The following SOS1 variants were observed in gnomAD, a reference collection of about 807,000 sequenced individuals.
SOS1 encodes the protein SOS Ras/Rac guanine nucleotide exchange factor 1.
In SOS1, 25 loss-of-function variants were observed where a neutral mutation model predicts 157.6. The ratio of observed to expected loss-of-function variants is 0.16; its 90% CI spans 0.12 to 0.22. SOS1 has a LOEUF of 0.22. Among genes scored for constraint, SOS1 ranks in the 10% least tolerant of loss-of-function variants. The pLI is 1.00. For missense variants in SOS1, 1,237 were observed against 1,599.1 expected (o/e 0.77, Z 3.86); for synonymous variants, 528 against 534.0 (o/e 0.99, Z 0.16).
chr2:39,112,678 A>G (rs1329149052), intron 1 of SOS1, among the ~76,000 whole-genome samples: 1 of 152,160 alleles, frequency 6.6e-6, no homozygotes, highest in African/African-American at 2.4e-5. Flanking sequence ...TATTCCTTCT[A>G]AAGTCCTTAC....
chr2:39,014,407 T>C (rs1170714201), intron 11 of SOS1, among the ~76,000 whole-genome samples: 1 of 152,100 alleles, frequency 6.6e-6, no homozygotes, highest in Non-Finnish European at 1.5e-5. Context: ...CATCACAGTA[T>C]TTGTTCACTG....
At chr2:39,108,600 C>A (rs770770788) in intron 1 of SOS1, among the ~76,000 whole-genome samples, 12 of 152,126 alleles carry the variant, frequency 7.9e-5, no homozygotes, top group Non-Finnish European at 1.8e-4. Flanking sequence ...TTTAAAAAGT[C>A]ACTTCTGGCC....
At chr2:39,124,439 C>G (rs1165622125), upstream of SOS1, 1 of 152,278 alleles carries the variant, frequency 6.6e-6, no homozygotes, top group Non-Finnish European at 1.5e-5. Flanking sequence ...CCGAGAGGGG[C>G]GCGTCCAGGC....
In SOS1 at chr2:39,069,190, CAAAAAAAAAAAAAAA is replaced by C. The variant is rs869178369; in HGVS notation, c.88-1452_88-1438del. ...GGGAAAACCTGTCTCTACCAAAAAG[CAAAAAAAAAAAAAAA>C]AAAAAAAAAAAAAAAAAAAGCCCAG... On this transcript the variant is annotated intron_variant, in intron 1 of 22. Transcript: ENST00000402219. 5.0e-3 allele frequency among the ~76,000 whole-genome samples: 235 copies of C among 46,768 alleles called. 2 individuals are homozygous for C. The highest frequency in any genetic ancestry group is 0.015 in the African/African-American group (223 of 14,726). The allele number at this position is 46,768 out of a possible 152,430, so 30.7% of individuals were successfully genotyped here.
intron 10 of SOS1, among the ~76,000 whole-genome samples, chr2:39,016,589 A>G (rs1473003977): frequency 2.0e-5 from 3 of 152,134 alleles, no homozygotes; most frequent in Non-Finnish European, 4.4e-5. Flanking sequence ...CAGCATGTTT[A>G]GGAAGCAAAA....
chr2:39,008,286 C>T (rs1368412467), intron 15 of SOS1, among the ~76,000 whole-genome samples: 1 of 152,148 alleles, frequency 6.6e-6, no homozygotes, highest in Non-Finnish European at 1.5e-5. Flanking sequence ...GGTAAGAAGA[C>T]CTCAGGCTGC....
In SOS1 at chr2:39,120,983, G is replaced by A. The variant is rs1199707333; in HGVS notation, c.-561C>T. Reference sequence around the variant, plus strand: ...GCTGCCCTGAGGTGCCGCCGCGGCCGCCGCCGCCACCGCCGCCGCCGGTGT... The same window carrying A: ...GCTGCCCTGAGGTGCCGCCGCGGCCACCGCCGCCACCGCCGCCGCCGGTGT... On this transcript the variant is annotated 5_prime_UTR_variant, in exon 1 of 23. Coordinates refer to ENST00000402219, the MANE Select transcript of SOS1 (RefSeq NM_005633.4). 2.8e-5 allele frequency: 5 copies of A among 176,080 alleles called. No homozygotes were observed. Among genetic ancestry groups the A allele is most frequent in the East Asian group, 1.7e-4 (1 of 5,876 alleles). 10.9% of individuals were successfully genotyped at this position (176,080 alleles called of 1,614,324 possible).
chr2:39,018,195 C>A (rs991879133), intron 10 of SOS1, among the ~76,000 whole-genome samples: 3 of 151,772 alleles, frequency 2.0e-5, no homozygotes, highest in African/African-American at 7.3e-5. Flanking sequence ...AAAAATAGCC[C>A]ATTTTTATAT....
At chr2:39,053,927 CTT>C (rs754202189) in intron 5 of SOS1, among the ~76,000 whole-genome samples, 5 of 145,600 alleles carry the variant, frequency 3.4e-5, no homozygotes, top group African/African-American at 1.0e-4. Flanking sequence ...GAAAGGAACT[CTT>C]TTTTTTTTTT....
At chr2:39,117,220 G>T (rs1250899275) in intron 1 of SOS1, among the ~76,000 whole-genome samples, 1 of 151,912 alleles carries the variant, frequency 6.6e-6, no homozygotes, top group Non-Finnish European at 1.5e-5. Context: ...AGTAGAGATG[G>T]GGTTTCACCA....
chr2:39,004,838 G>A (rs1236118964), intron 17 of SOS1, among the ~76,000 whole-genome samples: 1 of 151,820 alleles, frequency 6.6e-6, no homozygotes, highest in African/African-American at 2.4e-5. Flanking sequence ...GCAACAAATA[G>A]CTTAGTAGTT....
chr2:39,022,942 T>TA lies in SOS1; in HGVS notation c.1485dup (p.Met496TyrfsTer7). ...TTATCATTAATTTGTACCTTTCGCA[T>TA]AAAAAACTTTTCTTTAAGACGATAT... On this transcript the variant is annotated frameshift_variant, in exon 10 of 23. Coordinates refer to ENST00000402219, the MANE Select transcript of SOS1 (RefSeq NM_005633.4). LOFTEE classifies it high-confidence loss of function. 1 of 1,613,708 alleles carries TA rather than the reference T, an allele frequency of 6.2e-7. No homozygotes were observed. The highest frequency in any genetic ancestry group is 8.5e-7 in the Non-Finnish European group (1 of 1,179,736).
At chr2:39,107,697 TTAAC>T (rs1335672315) in intron 1 of SOS1, among the ~76,000 whole-genome samples, 1 of 151,452 alleles carries the variant, frequency 6.6e-6, no homozygotes, top group Non-Finnish European at 1.5e-5. Context: ...CCATTTTACA[TTAAC>T]TATTTCTAAA....
At chr2:39,050,852 T>G (rs113295233) in intron 6 of SOS1, among the ~76,000 whole-genome samples, 14 of 152,324 alleles carry the variant, frequency 9.2e-5, no homozygotes, top group African/African-American at 3.1e-4. Context: ...TCTTACTTAA[T>G]AGTCATTCAT....
At chr2:39,115,785 A>C (rs972538737) in intron 1 of SOS1, among the ~76,000 whole-genome samples, 1 of 152,082 alleles carries the variant, frequency 6.6e-6, no homozygotes, top group Admixed American at 6.5e-5. Context: ...TTTGTATCAC[A>C]ATTTGCTTAT....
intron 2 of SOS1, among the ~76,000 whole-genome samples, chr2:39,065,939 A>T (rs915163639): frequency 6.6e-6 from 1 of 152,254 alleles, no homozygotes; most frequent in African/African-American, 2.4e-5. Context: ...AATGAAATGT[A>T]AAGTATGGAA....
intron 6 of SOS1, among the ~76,000 whole-genome samples, chr2:39,041,816 A>G (rs1477743038): frequency 6.6e-6 from 1 of 152,122 alleles, no homozygotes; most frequent in Non-Finnish European, 1.5e-5. Flanking sequence ...AAACCTTCCT[A>G]TGTCAAAGTC....
At chr2:39,113,147 A>C (rs1673502592) in intron 1 of SOS1, among the ~76,000 whole-genome samples, 1 of 152,152 alleles carries the variant, frequency 6.6e-6, no homozygotes, top group Non-Finnish European at 1.5e-5. Context: ...TCTCATAAGA[A>C]AAGATGTCAT....
Position 39,076,878 on chromosome 2 carries a change from T to C in SOS1, c.88-9125A>G, listed in dbSNP as rs188824396. Among the ~76,000 whole-genome samples, 255 of 152,308 alleles carry C rather than the reference T, an allele frequency of 1.7e-3. No individual in the cohort carries two copies. The Middle Eastern group carries it at 0.017, about 10-fold the overall frequency. ...TTCTAATTGAAAACCCAAAAGAATC[T>C]ATAGAAAAATTACAAGAGTTAATAA... On this transcript the variant is annotated intron_variant, in intron 1 of 22. Transcript: ENST00000402219.
Sources: allele counts gnomAD v4.1 joint callset (sites outside exome capture counted in the v4.1 genomes callset), GRCh38; gene constraint gnomAD v4.1.1; transcripts MANE v1.5; gene names NCBI Gene and HGNC (gene_info 2026-07-23, HGNC 2026-07-21).